Variants in ABI3BP observed in about 807,000 individuals in gnomAD.
The protein encoded by ABI3BP is ABI family member 3 binding protein.
ABI3BP carries 216 observed loss-of-function variants against 268.6 expected under a neutral mutation model. The ratio of observed to expected loss-of-function variants is 0.80; its 90% CI spans 0.72 to 0.90. The LOEUF (loss-of-function observed/expected upper bound fraction) is 0.90, where lower values mean the gene tolerates loss of function less well. ABI3BP is among the 40% of genes least tolerant of loss of function. The pLI, the probability that ABI3BP is intolerant of heterozygous loss-of-function variation, is 0.00. For missense variants in ABI3BP, 2,090 were observed against 2,182.4 expected (o/e 0.96, Z 0.84); for synonymous variants, 730 against 730.0 (o/e 1.00, Z 0.00).
intron 1 of ABI3BP, among the ~76,000 whole-genome samples, chr3:100,944,124 C>T (rs1242412284): frequency 6.6e-6 from 1 of 152,048 alleles, no homozygotes; most frequent in African/African-American, 2.4e-5. Flanking sequence ...GAGAGAATGC[C>T]AGGCATGAGC....
At chr3:100,816,346 C>A in intron 43 of ABI3BP, 1 of 438,152 alleles carries the variant, frequency 2.3e-6, no homozygotes, top group South Asian at 3.1e-5. Context: ...AAATAAATGC[C>A]TGTTTATGTA....
chr3:100,967,713 A>G (rs1372532587), intron 1 of ABI3BP, among the ~76,000 whole-genome samples: 1 of 152,138 alleles, frequency 6.6e-6, no homozygotes, highest in Non-Finnish European at 1.5e-5. Context: ...AAGGTAGAAT[A>G]ATTACAACTA....
chr3:100,752,003 G>A, intron 66 of ABI3BP, among the ~76,000 whole-genome samples: 1 of 152,166 alleles, frequency 6.6e-6, no homozygotes, highest in African/African-American at 2.4e-5. Context: ...TACTAAGTCT[G>A]GGCCATACTG....
intron 3 of ABI3BP, among the ~76,000 whole-genome samples, chr3:100,899,436 T>C (rs1171903520): frequency 6.6e-6 from 1 of 152,216 alleles, no homozygotes; most frequent in Non-Finnish European, 1.5e-5. Context: ...TTGTAGTAAG[T>C]ATATATTTTA....
Position 100,790,790 on chromosome 3 carries a change from T to C in ABI3BP, c.4025-1274A>G, listed in dbSNP as rs2097177712. On this transcript the variant is annotated intron_variant, in intron 55 of 67. Coordinates refer to ENST00000471714, the MANE Select transcript of ABI3BP (RefSeq NM_001375547.2). ...TTCTTTCCACATAAATCCCTTTGAATGTTAGGTTGCTTCTGCTTAAAAAAG... is the reference window on the plus strand; with the variant it reads ...TTCTTTCCACATAAATCCCTTTGAACGTTAGGTTGCTTCTGCTTAAAAAAG... Among the ~76,000 whole-genome samples, 8 of 152,006 alleles carry C rather than the reference T, an allele frequency of 5.3e-5. 1 individual carries two copies. In the South Asian group the frequency reaches 1.7e-3, roughly 31 times the overall value.
chr3:100,811,622 T>A, intron 47 of ABI3BP, 106 bp downstream of exon 47: 1 of 1,152,440 alleles, frequency 8.7e-7, no homozygotes, highest in Non-Finnish European at 1.2e-6. Flanking sequence ...ATCTGTTTAA[T>A]TGTGAATCAA....
chr3:100,873,993 G>T (rs1462077066), intron 9 of ABI3BP, among the ~76,000 whole-genome samples: 4 of 152,156 alleles, frequency 2.6e-5, no homozygotes, highest in Admixed American at 2.6e-4. Context: ...TATTCTTAAG[G>T]TTTGTTCAAT....
intron 1 of ABI3BP, among the ~76,000 whole-genome samples, chr3:100,968,362 A>G (rs947859414): frequency 1.3e-5 from 2 of 152,186 alleles, no homozygotes; most frequent in Non-Finnish European, 2.9e-5. Flanking sequence ...CACTTTTTTC[A>G]CTTTATTATT....
chr3:100,756,494 A>G (rs1341440679), intron 63 of ABI3BP, among the ~76,000 whole-genome samples: 1 of 152,254 alleles, frequency 6.6e-6, no homozygotes, highest in African/African-American at 2.4e-5. Flanking sequence ...TTCACATGAA[A>G]TATTTTCCAG....
rs536302010 is a variant in ABI3BP, at chr3:100,749,601, G to A, written c.*894C>T. The A allele has an allele frequency of 2.5e-6, 1 of 398,058 alleles. No homozygotes were observed. The highest frequency in any genetic ancestry group is 4.4e-6 in the Non-Finnish European group (1 of 225,622). The allele number at this position is 398,058 out of a possible 1,614,324, so 24.7% of individuals were successfully genotyped here. ...ATTCTCTGATACATTCATTCATAGAGGTCTTAACGTATAAATACATAGTAA... is the reference window on the plus strand; with the variant it reads ...ATTCTCTGATACATTCATTCATAGAAGTCTTAACGTATAAATACATAGTAA... On this transcript the variant is annotated 3_prime_UTR_variant, in exon 68 of 68. Coordinates refer to ENST00000471714, the MANE Select transcript of ABI3BP (RefSeq NM_001375547.2).
At chr3:100,866,128 T>C (rs1489017544) in intron 10 of ABI3BP, among the ~76,000 whole-genome samples, 1 of 152,214 alleles carries the variant, frequency 6.6e-6, no homozygotes, top group Non-Finnish European at 1.5e-5. Flanking sequence ...TTTCAAGTTA[T>C]AGGATTTTGT....
intron 4 of ABI3BP, among the ~76,000 whole-genome samples, chr3:100,894,818 A>AG (rs1352792297): frequency 6.6e-6 from 1 of 151,700 alleles, no homozygotes; most frequent in African/African-American, 2.4e-5. Flanking sequence ...CGGTGCCTGT[A>AG]GTCCCAGCTA....
chr3:100,939,910 C>A (rs2068118513), intron 1 of ABI3BP, among the ~76,000 whole-genome samples: 1 of 152,020 alleles, frequency 6.6e-6, no homozygotes. Context: ...GGCCTATACC[C>A]CCAGGCGCAT....
At chr3:100,781,126 T>G (rs2096853107) in intron 57 of ABI3BP, among the ~76,000 whole-genome samples, 1 of 152,182 alleles carries the variant, frequency 6.6e-6, no homozygotes, top group South Asian at 2.1e-4. Context: ...AGAATAGGAA[T>G]GAAATATTTA....
intron 1 of ABI3BP, among the ~76,000 whole-genome samples, chr3:100,971,193 AC>A (rs1216323015): frequency 2.0e-5 from 3 of 152,122 alleles, no homozygotes; most frequent in Admixed American, 6.6e-5. Context: ...ATTTTCCAGG[AC>A]CCAGTTGACA....
chr3:100,951,152 A>G (rs2074803809), intron 1 of ABI3BP, among the ~76,000 whole-genome samples: 1 of 151,924 alleles, frequency 6.6e-6, no homozygotes, highest in Non-Finnish European at 1.5e-5. Context: ...TGTTTCAGAC[A>G]TTTGTCTGAA....
At chr3:100,867,671 C>T (rs1474306040) in intron 9 of ABI3BP, among the ~76,000 whole-genome samples, 1 of 135,434 alleles carries the variant, frequency 7.4e-6, no homozygotes, top group Non-Finnish European at 1.6e-5. Context: ...AGAAAATTTC[C>T]GTTATTCTAC....
chr3:100,975,271 T>C (rs142861883), intron 1 of ABI3BP, among the ~76,000 whole-genome samples: 1 of 152,296 alleles, frequency 6.6e-6, no homozygotes, highest in East Asian at 1.9e-4. Context: ...TGTATTGTCA[T>C]ACTGAAATTC....
chr3:100,959,124 G>T (rs1426081730), intron 1 of ABI3BP, among the ~76,000 whole-genome samples: 1 of 152,112 alleles, frequency 6.6e-6, no homozygotes, highest in Non-Finnish European at 1.5e-5. Flanking sequence ...TACCTTCTAG[G>T]CCAGACCATT....
Sources: allele counts gnomAD v4.1 joint callset (sites outside exome capture counted in the v4.1 genomes callset), GRCh38; gene constraint gnomAD v4.1.1; transcripts MANE v1.5; gene names NCBI Gene and HGNC (gene_info 2026-07-23, HGNC 2026-07-21).